LYSMD2: variants seen among roughly 807,000 people sequenced by gnomAD.
LYSMD2 encodes LysM domain containing 2, also known as lysM and putative peptidoglycan-binding domain-containing protein 2.
A neutral mutation model predicts 17.7 loss-of-function variants in LYSMD2; 6 were observed. That is an observed-to-expected ratio of 0.34 (90% CI 0.19 to 0.67). LYSMD2 has a LOEUF of 0.67. LYSMD2 is among the 30% of genes least tolerant of loss of function. The pLI, the probability that LYSMD2 is intolerant of heterozygous loss-of-function variation, is 0.69. For missense variants in LYSMD2, 237 were observed against 286.7 expected, an observed-to-expected ratio of 0.83 and a Z score of 1.25; for synonymous variants, 102 against 129.8, an observed-to-expected ratio of 0.79 and a Z score of 1.45.
At chr15:51,748,046 G>A (rs2055676888) in intron 1 of LYSMD2, among the ~76,000 whole-genome samples, 1 of 151,994 alleles carries the variant, frequency 6.6e-6, no homozygotes, top group South Asian at 2.1e-4. Flanking sequence ...GCCGAGGCAG[G>A]TGGATCACAA....
chr15:51,750,213 G>A (rs372296214), intron 1 of LYSMD2, among the ~76,000 whole-genome samples: 2 of 152,122 alleles, frequency 1.3e-5, no homozygotes, highest in African/African-American at 4.8e-5. Context: ...TATCATTGGG[G>A]AAAAATACCT....
At chr15:51,726,296 T>C (rs953820644) in intron 1 of LYSMD2, among the ~76,000 whole-genome samples, 1 of 152,138 alleles carries the variant, frequency 6.6e-6, no homozygotes, top group Non-Finnish European at 1.5e-5. Context: ...CTAGTTCAGG[T>C]TTGAAAGGGT....
chr15:51,726,476 T>C (rs2055540767), intron 1 of LYSMD2, among the ~76,000 whole-genome samples: 1 of 152,198 alleles, frequency 6.6e-6, no homozygotes. Flanking sequence ...ATATGACTCA[T>C]TCCTGCCCTG....
chr15:51,728,064 C>G (rs2055551429), intron 1 of LYSMD2, among the ~76,000 whole-genome samples: 1 of 152,148 alleles, frequency 6.6e-6, no homozygotes, highest in Non-Finnish European at 1.5e-5. Context: ...GTTTACTTAT[C>G]AGTAAAGTAA....
chr15:51,733,195 C>G (rs1049696247), intron 1 of LYSMD2, among the ~76,000 whole-genome samples: 3 of 152,018 alleles, frequency 2.0e-5, no homozygotes, highest in Non-Finnish European at 4.4e-5. Flanking sequence ...CTGCACAGCT[C>G]CCTCCCTTAC....
intron 1 of LYSMD2, among the ~76,000 whole-genome samples, chr15:51,727,090 A>C (rs1020454624): frequency 3.3e-5 from 5 of 152,178 alleles, no homozygotes; most frequent in African/African-American, 1.2e-4. Flanking sequence ...GGATGAATTA[A>C]CGCAGGTCAG....
chr15:51,726,061 A>T (rs2055538249), intron 1 of LYSMD2, among the ~76,000 whole-genome samples: 1 of 152,236 alleles, frequency 6.6e-6, no homozygotes, highest in Non-Finnish European at 1.5e-5. Flanking sequence ...CAGTCAACTA[A>T]GTGGACCCTG....
In LYSMD2 at chr15:51,736,800, C is replaced by A. The variant is rs549795817; in HGVS notation, c.273+550G>T. 8.5e-5 allele frequency among the ~76,000 whole-genome samples: 13 copies of A among 152,284 alleles called. No homozygotes were observed. In the South Asian group the frequency reaches 2.5e-3, roughly 29 times the overall value. ...TGCTTAGCGACAGGTGTCACATTCGCGGTTGCCAGTGAGCCCAGAGGGTGT... is the reference window on the plus strand; with the variant it reads ...TGCTTAGCGACAGGTGTCACATTCGAGGTTGCCAGTGAGCCCAGAGGGTGT... On this transcript the variant is annotated intron_variant, in intron 1 of 2. Transcript: ENST00000267838.
At chr15:51,728,135 A>C (rs534384029) in intron 1 of LYSMD2, among the ~76,000 whole-genome samples, 1 of 152,344 alleles carries the variant, frequency 6.6e-6, no homozygotes, top group African/African-American at 2.4e-5. Flanking sequence ...TAAAGTATTT[A>C]GAACAACATA....
chr15:51,734,321 T>G (rs1474590281), intron 1 of LYSMD2, among the ~76,000 whole-genome samples: 2 of 152,224 alleles, frequency 1.3e-5, no homozygotes, highest in Non-Finnish European at 2.9e-5. Context: ...CCCAGGCCAA[T>G]TTGAGGAACA....
chr15:51,738,684 G>T (rs1432566118), upstream of LYSMD2, among the ~76,000 whole-genome samples: 1 of 152,058 alleles, frequency 6.6e-6, no homozygotes, highest in East Asian at 1.9e-4. Context: ...AAGGTCCGGA[G>T]CCTGGGGGTT....
chr15:51,747,228 A>C (rs1024773112), intron 1 of LYSMD2, among the ~76,000 whole-genome samples: 11 of 151,062 alleles, frequency 7.3e-5, no homozygotes, highest in Admixed American at 6.6e-5. Context: ...AACAACAACA[A>C]AAACTGTAAT....
At chr15:51,731,462 C>A (rs1257260748) in intron 1 of LYSMD2, among the ~76,000 whole-genome samples, 1 of 152,184 alleles carries the variant, frequency 6.6e-6, no homozygotes, top group Non-Finnish European at 1.5e-5. Flanking sequence ...CCAAAAATGA[C>A]AATCATTTCA....
At chr15:51,750,555 G>A (rs931241576) in intron 1 of LYSMD2, among the ~76,000 whole-genome samples, 1 of 152,166 alleles carries the variant, frequency 6.6e-6, no homozygotes, top group African/African-American at 2.4e-5. Context: ...AAAACTCAAC[G>A]AACCTTAGAC....
At chr15:51,724,715 G>C (rs1387844791) in intron 2 of LYSMD2, 75 bp downstream of exon 2, 3 of 897,804 alleles carry the variant, frequency 3.3e-6, no homozygotes, top group East Asian at 3.0e-5. Flanking sequence ...AAAGAGAAAA[G>C]AAAGATTTGG....
intron 1 of LYSMD2, among the ~76,000 whole-genome samples, chr15:51,730,158 G>T (rs8028258): frequency 0.48 from 72,966 of 152,016 alleles, 17,769 homozygotes; most frequent in Admixed American, 0.55. Context: ...ACAAGTTCAA[G>T]TATGGTGAAA....
At chr15:51,728,396 A>C (rs976698602) in intron 1 of LYSMD2, among the ~76,000 whole-genome samples, 7 of 144,832 alleles carry the variant, frequency 4.8e-5, no homozygotes, top group Non-Finnish European at 9.0e-5. Context: ...TCCAGGAGAA[A>C]ACACACACAC....
chr15:51,730,777 T>A (rs764623325), intron 1 of LYSMD2, among the ~76,000 whole-genome samples: 2 of 152,220 alleles, frequency 1.3e-5, no homozygotes, highest in Non-Finnish European at 2.9e-5. Flanking sequence ...CATAGCACTG[T>A]GTGGCTTGCA....
upstream of LYSMD2, chr15:51,737,742 C>A (rs1279867133): frequency 5.2e-6 from 4 of 767,080 alleles, no homozygotes; most frequent in Non-Finnish European, 6.9e-6. This position sits in a 1 kb window ranked among gnomAD's most constrained non-coding sequence, Gnocchi z 4.2. Flanking sequence ...TCCGCGGGGG[C>A]GGCGGACGGG....
Sources: gnomAD v4.1 joint callset for allele counts (sites outside exome capture counted in the v4.1 genomes callset) on GRCh38, gnomAD v4.1.1 for gene constraint, Gnocchi (gnomAD v3.1) non-coding constraint, MANE v1.5 for transcripts, NCBI Gene and HGNC (gene_info 2026-07-23, HGNC 2026-07-21) for gene names.